The following CTNNA2 variants were observed in gnomAD, a reference collection of about 807,000 sequenced individuals.
CTNNA2 encodes catenin alpha 2.
In CTNNA2, 42 loss-of-function variants were observed where a neutral mutation model predicts 101.0. The ratio of observed to expected loss-of-function variants is 0.42; its 90% CI spans 0.32 to 0.54. The LOEUF (loss-of-function observed/expected upper bound fraction) is 0.54, where lower values mean the gene tolerates loss of function less well. CTNNA2 is among the 20% of genes least tolerant of loss of function. The pLI is 0.14. For missense variants in CTNNA2, 871 were observed against 1,223.1 expected (o/e 0.71, Z 4.29); for synonymous variants, 450 against 456.4 (o/e 0.99, Z 0.18).
intron 4 of CTNNA2, among the ~76,000 whole-genome samples, chr2:79,429,842 A>T (rs769894976): frequency 2.0e-5 from 3 of 152,186 alleles, no homozygotes; most frequent in African/African-American, 4.8e-5. Context: ...GTGAGGTTCC[A>T]GGAGGCTGGT....
intron 2 of CTNNA2, among the ~76,000 whole-genome samples, chr2:79,240,806 A>C (rs1246468318): frequency 6.6e-6 from 1 of 152,078 alleles, no homozygotes; most frequent in Non-Finnish European, 1.5e-5. Context: ...GTCTGGGGAA[A>C]TGTAAAATAA....
intron 9 of CTNNA2, among the ~76,000 whole-genome samples, chr2:80,538,683 G>T (rs1048623239): frequency 6.6e-6 from 1 of 152,132 alleles, no homozygotes; most frequent in Non-Finnish European, 1.5e-5. Context: ...TGTTCTTTTT[G>T]CTTAGGATTG....
intron 7 of CTNNA2, among the ~76,000 whole-genome samples, chr2:80,328,541 C>A (rs1488677215): frequency 6.6e-6 from 1 of 152,184 alleles, no homozygotes; most frequent in African/African-American, 2.4e-5. Context: ...CCCTGATCCT[C>A]TTACAGAGAC....
intron 5 of CTNNA2, among the ~76,000 whole-genome samples, chr2:79,507,461 C>G (rs1262983336): frequency 6.6e-6 from 1 of 152,178 alleles, no homozygotes; most frequent in Non-Finnish European, 1.5e-5. Flanking sequence ...CCTGATCTCT[C>G]GGTTGCTGTC....
chr2:80,371,285 T>C (rs1490595417), intron 7 of CTNNA2, among the ~76,000 whole-genome samples: 3 of 152,196 alleles, frequency 2.0e-5, no homozygotes, highest in Non-Finnish European at 4.4e-5. Flanking sequence ...GGCACTCAGA[T>C]GAATTGTCCA....
At chr2:80,478,362 T>C (rs1253798570) in intron 9 of CTNNA2, among the ~76,000 whole-genome samples, 1 of 152,286 alleles carries the variant, frequency 6.6e-6, no homozygotes, top group Non-Finnish European at 1.5e-5. Flanking sequence ...TATCTGTTGA[T>C]TATTTCTTTT....
intron 9 of CTNNA2, among the ~76,000 whole-genome samples, chr2:80,476,570 G>A (rs762473444): frequency 1.8e-4 from 28 of 152,108 alleles, no homozygotes; most frequent in Non-Finnish European, 3.4e-4. Flanking sequence ...AGGGGTTTAA[G>A]AATTATTAAA....
intron 7 of CTNNA2, among the ~76,000 whole-genome samples, chr2:80,253,513 CAGGCCCT>C (rs1256675799): frequency 2.6e-5 from 4 of 152,112 alleles, no homozygotes; most frequent in Non-Finnish European, 4.4e-5. Context: ...CCTTACCTTG[CAGGCCCT>C]AGGAAGGATT....
intron 7 of CTNNA2, among the ~76,000 whole-genome samples, chr2:79,936,836 G>T (rs1687825397): frequency 6.6e-6 from 1 of 152,178 alleles, no homozygotes; most frequent in Non-Finnish European, 1.5e-5. Context: ...CAGATGAAGA[G>T]TCTTGAAGCT....
intron 7 of CTNNA2, among the ~76,000 whole-genome samples, chr2:80,072,649 A>G (rs1374314146): frequency 2.0e-5 from 3 of 152,138 alleles, no homozygotes; most frequent in African/African-American, 7.2e-5. Context: ...TTCCAATACC[A>G]TTCAAGGTGC....
At chr2:80,544,183 C>T (rs1333122211) in intron 9 of CTNNA2, among the ~76,000 whole-genome samples, 3 of 151,934 alleles carry the variant, frequency 2.0e-5, no homozygotes, top group African/African-American at 7.2e-5. Flanking sequence ...CTTCCCCTTC[C>T]CTCCTTGGTT....
At chr2:80,155,230 T>G (rs2148934928) in intron 7 of CTNNA2, among the ~76,000 whole-genome samples, 1 of 152,326 alleles carries the variant, frequency 6.6e-6, no homozygotes, top group African/African-American at 2.4e-5. Flanking sequence ...CAGGGGTCCT[T>G]GGATCACAGT....
At chr2:79,415,524 A>G (rs1678467692) in intron 4 of CTNNA2, among the ~76,000 whole-genome samples, 1 of 152,134 alleles carries the variant, frequency 6.6e-6, no homozygotes, top group African/African-American at 2.4e-5. Flanking sequence ...CATCTCTAGG[A>G]AGATATTTGG....
intron 3 of CTNNA2, among the ~76,000 whole-genome samples, chr2:79,770,374 A>G (rs1323627084): frequency 2.0e-5 from 3 of 152,210 alleles, no homozygotes; most frequent in Non-Finnish European, 4.4e-5. Context: ...ATTAGTCAAC[A>G]CCAAAATCAC....
chr2:79,470,141 C>T (rs1472905223), intron 4 of CTNNA2, among the ~76,000 whole-genome samples: 2 of 152,140 alleles, frequency 1.3e-5, no homozygotes, highest in Non-Finnish European at 1.5e-5. Context: ...ATGGTTATAT[C>T]AGTATCAGAA....
chr2:79,600,235 G>T (rs2104070428), intron 1 of CTNNA2, among the ~76,000 whole-genome samples: 1 of 152,126 alleles, frequency 6.6e-6, no homozygotes, highest in East Asian at 1.9e-4. Context: ...GAGTGCTGGG[G>T]CATGATCTCA....
chr2:80,640,687 G>A (rs1198981316), intron 18 of CTNNA2, among the ~76,000 whole-genome samples: 1 of 152,178 alleles, frequency 6.6e-6, no homozygotes, highest in Admixed American at 6.5e-5. Flanking sequence ...AACATGAAAT[G>A]TTCTTCTTGG....
chr2:79,823,392 C>T (rs531350026), intron 3 of CTNNA2, among the ~76,000 whole-genome samples: 42 of 152,274 alleles, frequency 2.8e-4, no homozygotes, highest in African/African-American at 9.9e-4. Flanking sequence ...GTATTGCGTG[C>T]TGCTAGTCCC....
chr2:80,180,937 T>C (rs1195571176), intron 7 of CTNNA2, among the ~76,000 whole-genome samples: 1 of 152,248 alleles, frequency 6.6e-6, no homozygotes, highest in Non-Finnish European at 1.5e-5. Flanking sequence ...GAATCCCTGC[T>C]TAGTGGACCC....
Sources: gnomAD v4.1 joint callset for allele counts (sites outside exome capture counted in the v4.1 genomes callset) on GRCh38, gnomAD v4.1.1 for gene constraint, MANE v1.5 for transcripts, NCBI Gene and HGNC (gene_info 2026-07-23, HGNC 2026-07-21) for gene names.